ZBTB16: variants seen among roughly 807,000 people sequenced by gnomAD.
ZBTB16 encodes the protein zinc finger and BTB domain-containing protein 16.
ZBTB16 carries 8 observed loss-of-function variants against 56.8 expected under a neutral mutation model. The observed-to-expected ratio is 0.14, with a 90% CI of 0.08 to 0.25. The LOEUF is 0.25. Ranked by LOEUF, ZBTB16 falls within the 10% of genes least tolerant of loss-of-function variation. ZBTB16 has a pLI of 1.00. For missense variants in ZBTB16, 625 were observed against 903.0 expected, an observed-to-expected ratio of 0.69 and a Z score of 3.95; for synonymous variants, 363 against 368.5, an observed-to-expected ratio of 0.98 and a Z score of 0.17.
Position 114,064,204 on chromosome 11 carries a change from A to G in ZBTB16, c.904A>G (p.Ser302Gly), listed in dbSNP as rs756417781. 5 of 1,613,820 alleles carry G rather than the reference A, an allele frequency of 3.1e-6. No homozygotes were observed. The highest frequency in any genetic ancestry group is 4.2e-6 in the Non-Finnish European group (5 of 1,180,024). ...ARELHYGREE[S>G]AEQVPPPAEA... ...GGAGCTACACTATGGGCGAGAGGAG[A>G]GTGCCGAGCAGGTGCCACCCCCAGC... The change falls in exon 2 of 7, where the codon AGT becomes GGT. Residue 302 changes from serine to glycine, a missense_variant. Ser to Gly is a moderately conservative substitution (Grantham distance 56, BLOSUM62 0). Transcript: ENST00000335953. This position sits in a 1 kb window ranked among gnomAD's most constrained non-coding sequence, Gnocchi z 4.2.
chr11:114,060,143 G>GA lies in ZBTB16; in HGVS notation c.-91+261_-91+262insA. On this transcript the variant is annotated intron_variant, in intron 1 of 6. Transcript: ENST00000335953. The surrounding 1 kb of genome is among the most constrained non-coding windows in gnomAD (Gnocchi z 6.0). ...CCTTCCTCTTCAGGGCACGGTCGGGGTGAGAGGTGGGGGGCGTAGCGGTGT... is the reference window on the plus strand; with the variant it reads ...CCTTCCTCTTCAGGGCACGGTCGGGGATGAGAGGTGGGGGGCGTAGCGGTGT... The GA allele has an allele frequency of 4.9e-6, 1 of 204,080 alleles. No homozygotes were observed. Among genetic ancestry groups the GA allele is most frequent in the Non-Finnish European group, 9.8e-6 (1 of 102,138 alleles). 12.6% of individuals were successfully genotyped at this position (204,080 alleles called of 1,614,324 possible).
intron 2 of ZBTB16, among the ~76,000 whole-genome samples, chr11:114,093,769 G>C (rs1241420061): frequency 1.3e-5 from 2 of 152,196 alleles, no homozygotes; most frequent in African/African-American, 2.4e-5. Context: ...TAATCTGTAA[G>C]AACAGTCGAG....
At chr11:114,114,304 G>A (rs1480584672) in intron 2 of ZBTB16, among the ~76,000 whole-genome samples, 1 of 152,240 alleles carries the variant, frequency 6.6e-6, no homozygotes, top group African/African-American at 2.4e-5. Flanking sequence ...GGGATGACGG[G>A]GATGGGAGGG....
At chr11:114,085,056 G>C (rs1329993287) in intron 2 of ZBTB16, among the ~76,000 whole-genome samples, 2 of 152,162 alleles carry the variant, frequency 1.3e-5, no homozygotes, top group Non-Finnish European at 2.9e-5. Context: ...GTGACCCTCA[G>C]GAATTCTTCA....
At chr11:114,134,047 A>T (rs923953885) in intron 2 of ZBTB16, among the ~76,000 whole-genome samples, 3 of 152,206 alleles carry the variant, frequency 2.0e-5, no homozygotes, top group Non-Finnish European at 4.4e-5. Flanking sequence ...GCACGGGAGC[A>T]CAGCTGGTTG....
At chr11:114,139,362 C>T (rs1941883642) in intron 2 of ZBTB16, among the ~76,000 whole-genome samples, 1 of 152,090 alleles carries the variant, frequency 6.6e-6, no homozygotes. Context: ...TTTTATTGTA[C>T]TTCCTTCCTG....
At chr11:114,069,712 T>G (rs1939257771) in intron 2 of ZBTB16, among the ~76,000 whole-genome samples, 1 of 152,250 alleles carries the variant, frequency 6.6e-6, no homozygotes, top group Non-Finnish European at 1.5e-5. Flanking sequence ...AACTAAATTC[T>G]GTTTGGAAAA....
chr11:114,187,497 G>T, intron 4 of ZBTB16: 1 of 222,952 alleles, frequency 4.5e-6, no homozygotes. Context: ...TACGCAGGAT[G>T]CATTTGAACA....
chr11:114,250,550 G>C lies in ZBTB16; in HGVS notation c.2017G>C (p.Val673Leu). ...IEKTYLYLCY[V>L] ...GAAGACGTACCTCTACCTGTGCTAT[G>C]TGTGAAGGGAGGCCCGCGGCGGTGG... Residue 673 changes from valine (V) to leucine (L), a missense_variant, in exon 7 of 7, where the codon GTG (valine) becomes CTG (leucine). Val to Leu is a conservative substitution (Grantham distance 32). Coordinates refer to ENST00000335953, the MANE Select transcript of ZBTB16 (RefSeq NM_006006.6). The surrounding 1 kb of genome is among the most constrained non-coding windows in gnomAD (Gnocchi z 6.0). The C allele has an allele frequency of 6.2e-7, 1 of 1,614,130 alleles. No homozygotes were observed. The highest frequency in any genetic ancestry group is 8.5e-7 in the Non-Finnish European group (1 of 1,180,016).
At chr11:114,239,186 C>CAG (rs1185406072) in intron 4 of ZBTB16, among the ~76,000 whole-genome samples, 1 of 152,172 alleles carries the variant, frequency 6.6e-6, no homozygotes, top group Non-Finnish European at 1.5e-5. Flanking sequence ...TATTGACACT[C>CAG]AGAGCACCTG....
chr11:114,066,138 C>G (rs1939106596), intron 2 of ZBTB16, among the ~76,000 whole-genome samples: 1 of 152,180 alleles, frequency 6.6e-6, no homozygotes, highest in Non-Finnish European at 1.5e-5. Context: ...CCCCCTTCAC[C>G]CCCATTCCCC....
intron 4 of ZBTB16, among the ~76,000 whole-genome samples, chr11:114,223,686 A>G (rs1944280665): frequency 6.6e-6 from 1 of 152,220 alleles, no homozygotes; most frequent in African/African-American, 2.4e-5. Context: ...AGGGAGGCAC[A>G]CAAGAAAATA....
intron 3 of ZBTB16, among the ~76,000 whole-genome samples, chr11:114,166,712 G>A (rs768827292): frequency 3.9e-5 from 6 of 152,142 alleles, no homozygotes; most frequent in Non-Finnish European, 5.9e-5. Context: ...GATGGTGGTG[G>A]TGTGTTTCTA....
At chr11:114,243,803 T>A (rs1157734038) in intron 5 of ZBTB16, among the ~76,000 whole-genome samples, 1 of 152,206 alleles carries the variant, frequency 6.6e-6, no homozygotes, top group East Asian at 1.9e-4. Flanking sequence ...TGGCTTCATG[T>A]GACTTGAATG....
At chr11:114,078,551 T>C (rs1018422632) in intron 2 of ZBTB16, among the ~76,000 whole-genome samples, 1 of 152,168 alleles carries the variant, frequency 6.6e-6, no homozygotes, top group East Asian at 1.9e-4. Context: ...GATAGCTTTG[T>C]TTTGATGTCC....
At chr11:114,232,019 A>T (rs1944448999) in intron 4 of ZBTB16, among the ~76,000 whole-genome samples, 1 of 152,116 alleles carries the variant, frequency 6.6e-6, no homozygotes, top group Non-Finnish European at 1.5e-5. Flanking sequence ...GTTCCTGTTC[A>T]GTTGGGAGTC....
chr11:114,240,736 G>C (rs529454829), intron 4 of ZBTB16, among the ~76,000 whole-genome samples: 103 of 152,334 alleles, frequency 6.8e-4, no homozygotes, highest in African/African-American at 2.4e-3. Context: ...CTCCAGAGCA[G>C]TGTCAGAAAG....
At position 114,076,972 on chromosome 11, in the gene ZBTB16, G is replaced by T. The variant is rs140050927; in HGVS notation, c.1268+12404G>T. On this transcript the variant is annotated intron_variant, in intron 2 of 6. Coordinates refer to ENST00000335953, the MANE Select transcript of ZBTB16 (RefSeq NM_006006.6). Reference sequence around the variant, plus strand: ...TCCCCAGCAGCCAGATTCAACGGCTGGGGGGGAGAATAGGCCAAACCTTGG... The same window carrying T: ...TCCCCAGCAGCCAGATTCAACGGCTTGGGGGGAGAATAGGCCAAACCTTGG... Among the ~76,000 whole-genome samples the T allele has an allele frequency of 9.2e-5, 14 of 152,010 alleles. 1 individual carries two copies. Among genetic ancestry groups the T allele is most frequent in the Admixed American group, 3.9e-4 (6 of 15,254 alleles).
intron 4 of ZBTB16, among the ~76,000 whole-genome samples, chr11:114,193,910 T>C (rs1943552842): frequency 6.6e-6 from 1 of 152,216 alleles, no homozygotes; most frequent in South Asian, 2.1e-4. Context: ...GCCTAGACAC[T>C]ACCCACTAGG....
Sources: gnomAD v4.1 joint callset for allele counts (sites outside exome capture counted in the v4.1 genomes callset) on GRCh38, gnomAD v4.1.1 for gene constraint, Gnocchi (gnomAD v3.1) non-coding constraint, MANE v1.5 for transcripts, NCBI Gene and HGNC (gene_info 2026-07-23, HGNC 2026-07-21) for gene names.